CPAMD8: variants seen among roughly 807,000 people sequenced by gnomAD.
The protein encoded by CPAMD8 is C3 and PZP-like alpha-2-macroglobulin domain-containing protein 8.
A neutral mutation model predicts 224.7 loss-of-function variants in CPAMD8; 146 were observed. That is an observed-to-expected ratio of 0.65 (90% CI 0.57 to 0.75). The LOEUF is 0.75. Among genes scored for constraint, CPAMD8 ranks in the 30% least tolerant of loss-of-function variants. CPAMD8 has a pLI of 0.00. For missense variants in CPAMD8, 2,301 were observed against 2,537.5 expected, an observed-to-expected ratio of 0.91 and a Z score of 2.00; for synonymous variants, 966 against 1,044.6, an observed-to-expected ratio of 0.92 and a Z score of 1.45.
At chr19:16,961,818 A>G (rs2054668150) in intron 18 of CPAMD8, among the ~76,000 whole-genome samples, 1 of 152,232 alleles carries the variant, frequency 6.6e-6, no homozygotes, top group Non-Finnish European at 1.5e-5. Context: ...AAGCTTCCAG[A>G]GGAAGGATCA....
At chr19:16,904,176 A>AGGCCCCC in intron 32 of CPAMD8, 50 bp downstream of exon 32, 17 of 937,326 alleles carry the variant, frequency 1.8e-5, no homozygotes, top group Non-Finnish European at 2.5e-5. Context: ...GACTGCAGGG[A>AGGCCCCC]CCCCACCCAC....
intron 20 of CPAMD8, among the ~76,000 whole-genome samples, chr19:16,949,162 T>C (rs576866261): frequency 6.6e-6 from 1 of 152,096 alleles, no homozygotes; most frequent in South Asian, 2.1e-4. Context: ...CGCTCCCCAC[T>C]GGAGGGTCTG....
At chr19:17,008,483 A>G in intron 7 of CPAMD8, 22 bp downstream of exon 7, 1 of 1,612,148 alleles carries the variant, frequency 6.2e-7, no homozygotes, top group South Asian at 1.1e-5. Context: ...GCAGCCCCCA[A>G]GCCGCAGAGG....
intron 3 of CPAMD8, among the ~76,000 whole-genome samples, chr19:17,013,982 TCCTACA>T (rs1354103106): frequency 7.5e-6 from 1 of 133,448 alleles, no homozygotes; most frequent in Non-Finnish European, 1.6e-5. Flanking sequence ...CTTCCATCCT[TCCTACA>T]CTACACATTC....
intron 27 of CPAMD8, among the ~76,000 whole-genome samples, chr19:16,918,299 C>T (rs2053037893): frequency 6.6e-6 from 1 of 152,084 alleles, no homozygotes; most frequent in South Asian, 2.1e-4. Flanking sequence ...CCGGCCCCTC[C>T]TGTGTACTTT....
At chr19:17,005,539 G>A (rs535251940) in intron 7 of CPAMD8, among the ~76,000 whole-genome samples, 1 of 152,194 alleles carries the variant, frequency 6.6e-6, no homozygotes, top group South Asian at 2.1e-4. Context: ...AGCCCCGTCC[G>A]CAGCTGTTTT....
intron 22 of CPAMD8, among the ~76,000 whole-genome samples, chr19:16,940,546 A>T (rs1314214766): frequency 6.6e-6 from 1 of 152,136 alleles, no homozygotes; most frequent in African/African-American, 2.4e-5. Context: ...AGTGCTACTG[A>T]CAGTCAGTTC....
intron 23 of CPAMD8, among the ~76,000 whole-genome samples, chr19:16,930,352 T>C (rs1163820927): frequency 6.6e-6 from 1 of 152,134 alleles, no homozygotes; most frequent in East Asian, 1.9e-4. Flanking sequence ...CAATGTGATA[T>C]GAGTATCAGG....
At chr19:16,970,797 G>A in intron 18 of CPAMD8, 94 bp downstream of exon 18, 1 of 1,194,244 alleles carries the variant, frequency 8.4e-7, no homozygotes, top group Non-Finnish European at 1.2e-6. Context: ...TCGGTCTATG[G>A]TCTTCTGTTA....
chr19:16,973,119 A>C (rs1368639071), intron 17 of CPAMD8, among the ~76,000 whole-genome samples: 1 of 152,170 alleles, frequency 6.6e-6, no homozygotes, highest in Non-Finnish European at 1.5e-5. Flanking sequence ...AAGTGAGCTG[A>C]GATCACGCCA....
At chr19:16,901,342 AG>A in intron 35 of CPAMD8, 45 bp from the exon 36 acceptor site, 1 of 1,342,678 alleles carries the variant, frequency 7.4e-7, no homozygotes, top group Non-Finnish European at 1.1e-6. Context: ...GCTCAAGCCC[AG>A]AGGTGGAATT....
rs191378512 is a variant in CPAMD8 at position 16,988,382 on chromosome 19, G to A, written c.1395+1261C>T. On this transcript the variant is annotated intron_variant, in intron 13 of 41. Transcript: ENST00000443236. ...TCCCAGCATTTTGGGAGGCCAAGGT[G>A]GGCAGATCACTTGAGGTCAGAAGTT... Among the ~76,000 whole-genome samples, 164 of 152,296 alleles carry A rather than the reference G, an allele frequency of 1.1e-3. No individual in the cohort carries two copies. The Middle Eastern group carries it at 0.014, about 13-fold the overall frequency.
intron 1 of CPAMD8, among the ~76,000 whole-genome samples, chr19:17,025,677 C>T (rs1013455929): frequency 6.6e-6 from 1 of 152,152 alleles, no homozygotes; most frequent in Non-Finnish European, 1.5e-5. Flanking sequence ...CAAAAATCCC[C>T]CCCAGGGCTG....
chr19:16,904,219 G>A lies in CPAMD8; in HGVS notation c.4251+7C>T, dbSNP rs372570168. 24 of 922,754 alleles carry A rather than the reference G, an allele frequency of 2.6e-5. No homozygotes were observed. Among genetic ancestry groups the A allele is most frequent in the East Asian group, 1.2e-4 (2 of 16,450 alleles). The allele number at this position is 922,754 out of a possible 1,614,324, so 57.2% of individuals were successfully genotyped here. A position where few individuals can be genotyped will look rare whatever the true frequency, so the allele number is the denominator to read the frequency against. ...TGAGCCCCTCCCTCTGGCCCTGCCC[G>A]GCTCGCCTGAGTGGAGGAGAAGCCC... On this transcript the variant is annotated splice_region_variant and intron_variant, in intron 32 of 41. Coordinates refer to ENST00000443236, the MANE Select transcript of CPAMD8 (RefSeq NM_015692.5).
At chr19:16,915,627 G>T (rs1568470707) in intron 27 of CPAMD8, among the ~76,000 whole-genome samples, 2 of 152,190 alleles carry the variant, frequency 1.3e-5, no homozygotes, top group Non-Finnish European at 2.9e-5. Context: ...GCCAGGGAAT[G>T]AATGCATGAA....
chr19:17,009,046 A>C, intron 6 of CPAMD8: 2 of 517,138 alleles, frequency 3.9e-6, no homozygotes, highest in Middle Eastern at 5.5e-4. Flanking sequence ...CAGTGAGCCA[A>C]GATCAGCACC....
intron 41 of CPAMD8, chr19:16,894,513 C>G: frequency 2.2e-6 from 1 of 455,630 alleles, no homozygotes; most frequent in Non-Finnish European, 4.4e-6. Flanking sequence ...TTTCCTGAAC[C>G]CAACTCCACG....
intron 30 of CPAMD8, among the ~76,000 whole-genome samples, chr19:16,906,386 CTT>C (rs60183368): frequency 1.7e-4 from 13 of 75,480 alleles, no homozygotes; most frequent in African/African-American, 5.2e-4. Flanking sequence ...TTCTTTCTTT[CTT>C]TCTTTCTTTC....
intron 22 of CPAMD8, among the ~76,000 whole-genome samples, chr19:16,944,043 C>T (rs1021555256): frequency 1.3e-5 from 2 of 152,138 alleles, no homozygotes; most frequent in Non-Finnish European, 1.5e-5. Context: ...GAGCGGTGTC[C>T]GTACTCCCTG....
Sources: allele counts gnomAD v4.1 joint callset (sites outside exome capture counted in the v4.1 genomes callset), GRCh38; gene constraint gnomAD v4.1.1; transcripts MANE v1.5; gene names NCBI Gene and HGNC (gene_info 2026-07-23, HGNC 2026-07-21).